GRM3: variants seen among roughly 807,000 people sequenced by gnomAD.
The protein encoded by GRM3 is glutamate metabotropic receptor 3.
In GRM3, 26 loss-of-function variants were observed where a neutral mutation model predicts 70.5. That is an observed-to-expected ratio of 0.37 (90% CI 0.27 to 0.51). The LOEUF is 0.51. Ranked by LOEUF, GRM3 falls within the 20% of genes least tolerant of loss-of-function variation. The probability of loss-of-function intolerance (pLI) is 0.93; values close to 1 mark genes in which losing one functional copy is unlikely to be tolerated. For missense variants in GRM3, 859 were observed against 1,123.8 expected (o/e 0.76, Z 3.37); for synonymous variants, 443 against 434.9 (o/e 1.02, Z -0.23).
chr7:86,808,716 C>G (rs1797848652), intron 3 of GRM3, among the ~76,000 whole-genome samples: 1 of 151,912 alleles, frequency 6.6e-6, no homozygotes, highest in Non-Finnish European at 1.5e-5. Flanking sequence ...AGCCAGAGGT[C>G]AAATGAGCAG....
chr7:86,783,743 C>G (rs1434490171), intron 2 of GRM3, among the ~76,000 whole-genome samples: 1 of 152,178 alleles, frequency 6.6e-6, no homozygotes, highest in South Asian at 2.1e-4. Context: ...TTAAAAGGAG[C>G]AGCTCACTGT....
In GRM3 at chr7:86,864,454, G is replaced by A. The variant is rs1007131874; in HGVS notation, c.*99G>A. ...GAAACAGAGCAAAAGAACAACCCTA[G>A]TACCTTTTTTTAGAAACAGTACGAT... On this transcript the variant is annotated 3_prime_UTR_variant, in exon 6 of 6. Transcript: ENST00000361669. 7.0e-6 allele frequency: 6 copies of A among 855,356 alleles called. No homozygotes were observed. The East Asian group carries it at 9.7e-5, about 14-fold the overall frequency. The allele number at this position is 855,356 out of a possible 1,614,324, so 53.0% of individuals were successfully genotyped here. A position where few individuals can be genotyped will look rare whatever the true frequency, so the allele number is the denominator to read the frequency against.
intron 1 of GRM3, among the ~76,000 whole-genome samples, chr7:86,661,221 A>C (rs1793885181): frequency 6.6e-6 from 1 of 152,008 alleles, no homozygotes; most frequent in Admixed American, 6.6e-5. Flanking sequence ...AGATTTGCTT[A>C]ATGCTTTTTG....
chr7:86,792,613 C>G (rs1162766542), intron 3 of GRM3, among the ~76,000 whole-genome samples: 3 of 152,180 alleles, frequency 2.0e-5, no homozygotes, highest in Non-Finnish European at 4.4e-5. Context: ...TTTAGTCATT[C>G]ATTCCACAGA....
intron 3 of GRM3, among the ~76,000 whole-genome samples, chr7:86,836,365 A>G (rs1277801775): frequency 6.6e-6 from 1 of 152,254 alleles, no homozygotes; most frequent in Admixed American, 6.5e-5. Context: ...TGTTAAAACT[A>G]TAAGAATATT....
At chr7:86,713,591 C>A (rs950652004) in intron 1 of GRM3, among the ~76,000 whole-genome samples, 1 of 151,958 alleles carries the variant, frequency 6.6e-6, no homozygotes, top group Non-Finnish European at 1.5e-5. Flanking sequence ...CTCACCTATC[C>A]TTCAAAGCAA....
intron 3 of GRM3, among the ~76,000 whole-genome samples, chr7:86,800,194 G>T (rs1007694842): frequency 5.3e-5 from 8 of 152,142 alleles, no homozygotes; most frequent in Admixed American, 1.3e-4. Context: ...AAGCTATGAG[G>T]ATCTCAAATC....
intron 2 of GRM3, among the ~76,000 whole-genome samples, chr7:86,767,514 CATATATATATATATATAT>C (rs3057233): frequency 0.092 from 9,223 of 100,112 alleles, 703 homozygotes; most frequent in African/African-American, 0.19. Flanking sequence ...GGTCATACTT[CATATATATATATATATAT>C]ATATATATAT....
At position 86,786,833 on chromosome 7, in the gene GRM3, C is replaced by T; in HGVS notation, c.1041C>T (p.Arg347=). Residue 347 remains arginine, a synonymous_variant, in exon 3 of 6, where the codon CGC becomes CGT. Transcript: ENST00000361669. This position sits in a 1 kb window ranked among gnomAD's most constrained non-coding sequence, Gnocchi z 6.0. ...FQSLNPYNNH[R]NPWFRDFWEQ... ...GCCTCAACCCCTACAACAACCACCG[C>T]AACCCCTGGTTCCGGGACTTCTGGG... The T allele has an allele frequency of 6.2e-7, 1 of 1,614,200 alleles. No homozygotes were observed. Among genetic ancestry groups the T allele is most frequent in the South Asian group, 1.1e-5 (1 of 91,082 alleles).
At chr7:86,680,218 T>C (rs974551067) in intron 1 of GRM3, among the ~76,000 whole-genome samples, 1 of 152,126 alleles carries the variant, frequency 6.6e-6, no homozygotes, top group Admixed American at 6.6e-5. Flanking sequence ...GAAGGGACCA[T>C]GGGTATTTTG....
chr7:86,831,793 TAAAAAAAA>T (rs35888996), intron 3 of GRM3, among the ~76,000 whole-genome samples: 3 of 113,982 alleles, frequency 2.6e-5, no homozygotes, highest in Non-Finnish European at 5.2e-5. Context: ...ATAGCACCGT[TAAAAAAAA>T]AAAAAAAAAA....
chr7:86,752,086 A>G (rs962312908), intron 1 of GRM3, among the ~76,000 whole-genome samples: 5 of 152,118 alleles, frequency 3.3e-5, no homozygotes, highest in African/African-American at 1.2e-4. Context: ...CACAAACTGA[A>G]CACACCTCAT....
chr7:86,714,599 T>A (rs1034038850), intron 1 of GRM3, among the ~76,000 whole-genome samples: 1 of 152,046 alleles, frequency 6.6e-6, no homozygotes, highest in African/African-American at 2.4e-5. Flanking sequence ...TGTTAAGTAA[T>A]TGACCTGCTA....
intron 2 of GRM3, among the ~76,000 whole-genome samples, chr7:86,774,708 T>C (rs1310601744): frequency 6.6e-6 from 1 of 152,146 alleles, no homozygotes; most frequent in Non-Finnish European, 1.5e-5. Flanking sequence ...AAAGGACTAG[T>C]AGTTTTTTTC....
intron 3 of GRM3, among the ~76,000 whole-genome samples, chr7:86,831,049 C>T (rs979871403): frequency 6.6e-6 from 1 of 152,118 alleles, no homozygotes; most frequent in Non-Finnish European, 1.5e-5. Context: ...AAGAAACAAA[C>T]CTTGCTGACA....
chr7:86,703,352 G>T (rs1341235426), intron 1 of GRM3, among the ~76,000 whole-genome samples: 1 of 151,914 alleles, frequency 6.6e-6, no homozygotes, highest in South Asian at 2.1e-4. Context: ...TAGTGTGAAA[G>T]GTTCATGGAA....
At chr7:86,825,220 T>G (rs756789642) in intron 3 of GRM3, among the ~76,000 whole-genome samples, 3 of 152,260 alleles carry the variant, frequency 2.0e-5, no homozygotes, top group South Asian at 2.1e-4. Context: ...GTTTGGTTTA[T>G]TCTAAGTGAA....
chr7:86,799,198 G>A (rs923139154), intron 3 of GRM3, among the ~76,000 whole-genome samples: 1 of 152,134 alleles, frequency 6.6e-6, no homozygotes, highest in Non-Finnish European at 1.5e-5. Context: ...TTTGCACACT[G>A]ATTTTGTATC....
At chr7:86,779,859 G>A (rs540123399) in intron 2 of GRM3, among the ~76,000 whole-genome samples, 10 of 152,178 alleles carry the variant, frequency 6.6e-5, no homozygotes, top group Non-Finnish European at 1.5e-4. Flanking sequence ...TTGGGAAAAT[G>A]GTGGCAGATA....
Sources: gnomAD v4.1 joint callset for allele counts (sites outside exome capture counted in the v4.1 genomes callset) on GRCh38, gnomAD v4.1.1 for gene constraint, Gnocchi (gnomAD v3.1) non-coding constraint, MANE v1.5 for transcripts, NCBI Gene and HGNC (gene_info 2026-07-23, HGNC 2026-07-21) for gene names.